Variants in CUL3 observed in about 807,000 individuals in gnomAD.
The protein encoded by CUL3 is cullin 3, also known as cullin-3.
A neutral mutation model predicts 89.1 loss-of-function variants in CUL3; 19 were observed. That is an observed-to-expected ratio of 0.21 (90% CI 0.15 to 0.31). CUL3 has a LOEUF of 0.31. Among genes scored for constraint, CUL3 ranks in the 10% least tolerant of loss-of-function variants. The pLI, the probability that CUL3 is intolerant of heterozygous loss-of-function variation, is 1.00. For synonymous variants in CUL3, 351 were observed against 308.4 expected, an observed-to-expected ratio of 1.14 and a Z score of -1.45; for missense variants, 469 against 942.3, an observed-to-expected ratio of 0.50 and a Z score of 6.58.
intron 3 of CUL3, among the ~76,000 whole-genome samples, chr2:224,519,827 T>C (rs144639954): frequency 2.0e-5 from 3 of 152,314 alleles, no homozygotes; most frequent in African/African-American, 7.2e-5. Flanking sequence ...TGTGAGGTTT[T>C]AATTTTTATG....
chr2:224,572,633 A>G (rs1481061175), intron 1 of CUL3, among the ~76,000 whole-genome samples: 88 of 97,702 alleles, frequency 9.0e-4, no homozygotes, highest in African/African-American at 3.6e-3. Flanking sequence ...AGTGAGAGAA[A>G]AAAAAAAAAA....
At chr2:224,563,065 A>C in intron 1 of CUL3, 1 of 359,074 alleles carries the variant, frequency 2.8e-6, no homozygotes, top group South Asian at 2.2e-5. Context: ...CAATGATAGA[A>C]TCTCTTGAAC....
At chr2:224,527,598 G>T (rs1018783944) in intron 3 of CUL3, among the ~76,000 whole-genome samples, 5 of 152,108 alleles carry the variant, frequency 3.3e-5, no homozygotes, top group Admixed American at 3.3e-4. Context: ...ATTTTATCAA[G>T]ATTCCCTCCA....
chr2:224,575,294 G>A (rs2068244), intron 1 of CUL3, among the ~76,000 whole-genome samples: 114,351 of 152,144 alleles, frequency 0.75, 43,565 homozygotes, highest in African/African-American at 0.89. Context: ...GGGACATAAA[G>A]GAAACTGCTC....
intron 2 of CUL3, among the ~76,000 whole-genome samples, chr2:224,549,866 ACACACACACACG>A (rs1694445192): frequency 6.6e-6 from 1 of 152,172 alleles, no homozygotes; most frequent in Admixed American, 6.5e-5. Context: ...ATGCGTGCAC[ACACACACACACG>A]CACACACACA....
At position 224,557,872 on chromosome 2, in the gene CUL3, G is replaced by GAAA; in HGVS notation, c.67-17_67-16insTTT. On this transcript the variant is annotated splice_polypyrimidine_tract_variant and intron_variant, in intron 1 of 15. Transcript: ENST00000264414. The stretch of plus-strand genomic sequence containing the variant: ...CCATGGTCATCTGTAATATCCAAGA[G>GAAA]AGAGAAGAGACAAAAAAAAAAAAAA... 4.1e-6 allele frequency: 1 copy of GAAA among 242,692 alleles called. No homozygotes were observed. Among genetic ancestry groups the GAAA allele is most frequent in the Non-Finnish European group, 7.1e-6 (1 of 141,128 alleles). 15.0% of individuals were successfully genotyped at this position (242,692 alleles called of 1,614,324 possible). A position where few individuals can be genotyped will look rare whatever the true frequency, so the allele number is the denominator to read the frequency against.
chr2:224,511,842 A>T (rs1245483459), intron 5 of CUL3, among the ~76,000 whole-genome samples: 1 of 152,218 alleles, frequency 6.6e-6, no homozygotes, highest in Non-Finnish European at 1.5e-5. Flanking sequence ...TCCAAAAAAT[A>T]GCAGAACAAG....
intron 13 of CUL3, among the ~76,000 whole-genome samples, chr2:224,484,936 T>G (rs1436503662): frequency 6.6e-6 from 1 of 151,802 alleles, no homozygotes; most frequent in Admixed American, 6.6e-5. Context: ...AGGTACCTGG[T>G]TCATCTCAAT....
chr2:224,565,679 C>T (rs1370077270), intron 1 of CUL3, among the ~76,000 whole-genome samples: 2 of 152,186 alleles, frequency 1.3e-5, no homozygotes, highest in Admixed American at 6.5e-5. Flanking sequence ...CTACATCTTC[C>T]TCATCATCTG....
intron 13 of CUL3, among the ~76,000 whole-genome samples, chr2:224,484,236 CCCCCACA>C (rs1691637764): frequency 6.6e-6 from 1 of 151,894 alleles, no homozygotes; most frequent in Admixed American, 6.6e-5. Flanking sequence ...ACAATTTAAC[CCCCCACA>C]AAAATAGTAT....
chr2:224,533,450 T>C (rs1417025171), intron 3 of CUL3, among the ~76,000 whole-genome samples: 1 of 151,726 alleles, frequency 6.6e-6, no homozygotes, highest in Admixed American at 6.6e-5. Context: ...GTTTGAGATT[T>C]TGTTGCAAAA....
intron 1 of CUL3, among the ~76,000 whole-genome samples, chr2:224,581,395 C>CAAAAA (rs558137750): frequency 2.2e-4 from 18 of 81,870 alleles, no homozygotes; most frequent in African/African-American, 8.1e-4. Context: ...GTTTCCATCT[C>CAAAAA]AAAAAAAAAA....
At chr2:224,534,294 A>G (rs1025139181) in intron 3 of CUL3, among the ~76,000 whole-genome samples, 1 of 152,210 alleles carries the variant, frequency 6.6e-6, no homozygotes, top group Non-Finnish European at 1.5e-5. Flanking sequence ...TTCTTGACTG[A>G]TGAAAACAAA....
At chr2:224,575,450 T>C (rs149216742) in intron 1 of CUL3, among the ~76,000 whole-genome samples, 185 of 151,948 alleles carry the variant, frequency 1.2e-3, no homozygotes, top group African/African-American at 4.3e-3. Flanking sequence ...TCTGGGGAGG[T>C]AGTAAGAAAG....
At chr2:224,560,766 A>C (rs530741788) in intron 1 of CUL3, 1 of 152,162 alleles carries the variant, frequency 6.6e-6, no homozygotes, top group African/African-American at 2.4e-5. Flanking sequence ...GCATAAATCA[A>C]ATCATGTCAC....
intron 2 of CUL3, among the ~76,000 whole-genome samples, chr2:224,547,826 T>C (rs1021943209): frequency 2.6e-5 from 4 of 152,160 alleles, no homozygotes; most frequent in Non-Finnish European, 5.9e-5. Flanking sequence ...AGCTTTATTA[T>C]AAAAGGAAGT....
chr2:224,522,243 A>G (rs1693293689), intron 3 of CUL3, among the ~76,000 whole-genome samples: 1 of 152,186 alleles, frequency 6.6e-6, no homozygotes, highest in Non-Finnish European at 1.5e-5. Context: ...GGTTTAACAC[A>G]ATGAAGACAG....
At position 224,557,734 on chromosome 2, in the gene CUL3, T is replaced by C. The variant is rs538456382; in HGVS notation, c.189A>G (p.Thr63=). The C allele has an allele frequency of 1.2e-6, 2 of 1,612,156 alleles. No individual in the cohort carries two copies. Among genetic ancestry groups the C allele is most frequent in the East Asian group, 2.2e-5 (1 of 44,762 alleles). Residue 63 remains threonine, a synonymous_variant, in exon 2 of 16, where the codon ACA becomes ACG. Coordinates refer to ENST00000264414, the MANE Select transcript of CUL3 (RefSeq NM_003590.5). The part of the protein sequence containing the change: ...SFEELYRNAY[T]MVLHKHGEKL... ...TTTCTCCATGTTTATGCAAAACCAT[T>C]GTATATGCATTTCTATAGAGCTCCT... is the stretch of plus-strand genomic sequence containing the variant.
At position 224,563,085 on chromosome 2, in the gene CUL3, C is replaced by A. The variant is rs182966971; in HGVS notation, c.67-5229G>T. ...ATAGAATCTCTTGAACGCTCATCGA[C>A]AGTCATCAAATAAATGTCAGAAAGA... On this transcript the variant is annotated intron_variant, in intron 1 of 15. Coordinates refer to ENST00000264414, the MANE Select transcript of CUL3 (RefSeq NM_003590.5). The A allele has an allele frequency of 1.7e-3, 654 of 375,368 alleles. 3 individuals carry two copies. The highest frequency in any genetic ancestry group is 0.012 in the African/African-American group (566 of 46,872). 23.3% of individuals were successfully genotyped at this position (375,368 alleles called of 1,614,324 possible). A position where few individuals can be genotyped will look rare whatever the true frequency, so the allele number is the denominator to read the frequency against.
Sources: allele counts gnomAD v4.1 joint callset (sites outside exome capture counted in the v4.1 genomes callset), GRCh38; gene constraint gnomAD v4.1.1; transcripts MANE v1.5; gene names NCBI Gene and HGNC (gene_info 2026-07-23, HGNC 2026-07-21).